Variants in FYB1 observed in about 807,000 individuals in gnomAD.
FYB1 encodes the protein FYN binding protein 1.
FYB1 carries 41 observed loss-of-function variants against 94.1 expected under a neutral mutation model. The ratio of observed to expected loss-of-function variants is 0.44; its 90% CI spans 0.34 to 0.57. FYB1 has a LOEUF of 0.57. FYB1 is among the 20% of genes least tolerant of loss of function. The pLI, the probability that FYB1 is intolerant of heterozygous loss-of-function variation, is 0.02. For missense variants in FYB1, 1,050 were observed against 976.8 expected, an observed-to-expected ratio of 1.07 and a Z score of -1.00; for synonymous variants, 367 against 353.2, an observed-to-expected ratio of 1.04 and a Z score of -0.44.
At chr5:39,220,207 A>G (rs1014460951), upstream of FYB1, among the ~76,000 whole-genome samples, 1 of 152,092 alleles carries the variant, frequency 6.6e-6, no homozygotes, top group East Asian at 1.9e-4. Flanking sequence ...CCAGGAGTTC[A>G]AGACCAGTCT....
chr5:39,229,889 C>T (rs1290467225), intron 1 of FYB1, among the ~76,000 whole-genome samples: 2 of 152,148 alleles, frequency 1.3e-5, no homozygotes, highest in East Asian at 1.9e-4. Flanking sequence ...TTACAAAATG[C>T]TGACAGCCAG....
Position 39,139,289 on chromosome 5 carries a change from A to G in FYB1, c.1340-37T>C. 3 of 1,390,724 alleles carry G rather than the reference A, an allele frequency of 2.2e-6. No homozygotes were observed. In the South Asian group the frequency reaches 4.0e-5, roughly 19 times the overall value. The allele number at this position is 1,390,724 out of a possible 1,614,324, so 86.1% of individuals were successfully genotyped here. ...AAAAAATAAAATTTAATACATTTGT[A>G]ATAAGGAAGCACTTTAATGTAAGAT... is the stretch of plus-strand genomic sequence containing the variant. On this transcript the variant is annotated intron_variant, in intron 4 of 18. Transcript: ENST00000512982.
In FYB1 at chr5:39,182,537, T is replaced by C. The variant is rs538833228; in HGVS notation, c.1135+19289A>G. Among the ~76,000 whole-genome samples, 9 of 152,348 alleles carry C rather than the reference T, an allele frequency of 5.9e-5. No homozygotes were observed. The South Asian group carries it at 1.9e-3, about 32-fold the overall frequency. On this transcript the variant is annotated intron_variant, in intron 2 of 18. Coordinates refer to ENST00000512982, the MANE Select transcript of FYB1 (RefSeq NM_001465.6). ...AAGACTCAGGTCATGCACATCATTT[T>C]AGCTGGGTTAGTAAGTGTGACCCAT...
intron 2 of FYB1, among the ~76,000 whole-genome samples, chr5:39,172,784 CT>C (rs1745371831): frequency 6.6e-6 from 1 of 152,196 alleles, no homozygotes; most frequent in Non-Finnish European, 1.5e-5. Context: ...TGACTTCATT[CT>C]TTTTTGTTGC....
chr5:39,221,735 G>A (rs1015723146), upstream of FYB1, among the ~76,000 whole-genome samples: 3 of 152,142 alleles, frequency 2.0e-5, no homozygotes, highest in East Asian at 1.9e-4. Flanking sequence ...GGTGGCTCAC[G>A]CCTATAATCC....
rs374600022 is a variant in FYB1 at position 39,141,081 on chromosome 5, T to A, written c.1339+14A>T. ...TTTACAAATAAATAAATAAAATATGTTTTTGTCGTTTACCATCAGAGTGCG... is the reference window on the plus strand; with the variant it reads ...TTTACAAATAAATAAATAAAATATGATTTTGTCGTTTACCATCAGAGTGCG... On this transcript the variant is annotated intron_variant, in intron 4 of 18. Transcript: ENST00000512982. The A allele has an allele frequency of 4.3e-5, 67 of 1,548,284 alleles. No homozygotes were observed. Among genetic ancestry groups the A allele is most frequent in the Non-Finnish European group, 5.7e-5 (65 of 1,137,000 alleles).
chr5:39,173,616 G>T (rs1208447690), intron 2 of FYB1, among the ~76,000 whole-genome samples: 1 of 152,102 alleles, frequency 6.6e-6, no homozygotes, highest in Non-Finnish European at 1.5e-5. Context: ...GTTAATTTTT[G>T]TATATGCTGA....
chr5:39,137,477 AC>A, intron 7 of FYB1, 122 bp downstream of exon 7: 1 of 1,141,726 alleles, frequency 8.8e-7, no homozygotes, highest in Non-Finnish European at 1.2e-6. Context: ...GAAGATAATT[AC>A]TCTTTAGAGA....
chr5:39,235,672 G>C (rs1750928990), intron 1 of FYB1, among the ~76,000 whole-genome samples: 1 of 151,744 alleles, frequency 6.6e-6, no homozygotes, highest in Non-Finnish European at 1.5e-5. Flanking sequence ...TTTTGAGCAA[G>C]TATTTGGTGC....
At chr5:39,183,643 A>C (rs928626720) in intron 2 of FYB1, among the ~76,000 whole-genome samples, 1 of 152,152 alleles carries the variant, frequency 6.6e-6, no homozygotes, top group South Asian at 2.1e-4. Flanking sequence ...CCTACTCTCT[A>C]TGTGTCCCTA....
chr5:39,188,600 A>C (rs1747067442), intron 2 of FYB1, among the ~76,000 whole-genome samples: 1 of 140,554 alleles, frequency 7.1e-6, no homozygotes, highest in Non-Finnish European at 1.5e-5. Flanking sequence ...GCTGGAGTGC[A>C]ATTGTGCGAT....
At chr5:39,114,860 A>G (rs368563386) in intron 16 of FYB1, among the ~76,000 whole-genome samples, 1 of 152,180 alleles carries the variant, frequency 6.6e-6, no homozygotes, top group African/African-American at 2.4e-5. Flanking sequence ...AGAACATTTC[A>G]TTGAAGTGAC....
Position 39,211,083 on chromosome 5 carries a change from C to T in FYB1, c.-27-8096G>A, listed in dbSNP as rs1267636686. ...ATTTGTTTAGGATAATTCACTCAGCCTGCATGACCTGAAAATACCAAATTA... is the reference window on the plus strand; with the variant it reads ...ATTTGTTTAGGATAATTCACTCAGCTTGCATGACCTGAAAATACCAAATTA... On this transcript the variant is annotated intron_variant, in intron 1 of 18. Coordinates refer to ENST00000512982, the MANE Select transcript of FYB1 (RefSeq NM_001465.6). The T allele has an allele frequency of 5.3e-5, 8 of 152,106 alleles. 1 individual carries two copies. In the South Asian group the frequency reaches 1.0e-3, roughly 20 times the overall value. The allele number at this position is 152,106 out of a possible 1,614,324, so 9.4% of individuals were successfully genotyped here.
intron 1 of FYB1, among the ~76,000 whole-genome samples, chr5:39,211,916 C>T (rs1213864999): frequency 6.6e-6 from 1 of 152,060 alleles, no homozygotes; most frequent in Non-Finnish European, 1.5e-5. Flanking sequence ...ATGAGGCTAT[C>T]TGTGGGGTTT....
rs926200597 is a variant in FYB1, at chr5:39,170,239, G to A, written c.1136-16635C>T. 3.1e-6 allele frequency: 3 copies of A among 974,748 alleles called. No homozygotes were observed. In the African/African-American group the frequency reaches 4.9e-5, roughly 16 times the overall value. 60.4% of individuals were successfully genotyped at this position (974,748 alleles called of 1,614,324 possible). On this transcript the variant is annotated intron_variant, in intron 2 of 18. Transcript: ENST00000512982. ...TTTGCTATATATGATGTTGCTGGTG[G>A]TGGTGTCTTTCCTACTGAGAGCTGT...
At chr5:39,239,032 C>T (rs1011442092) in intron 1 of FYB1, among the ~76,000 whole-genome samples, 5 of 152,040 alleles carry the variant, frequency 3.3e-5, no homozygotes, top group Non-Finnish European at 5.9e-5. Context: ...AAGTGTGATT[C>T]GCTACACAAA....
At chr5:39,230,535 G>A (rs1270398634) in intron 1 of FYB1, among the ~76,000 whole-genome samples, 5 of 151,814 alleles carry the variant, frequency 3.3e-5, no homozygotes, top group Non-Finnish European at 1.5e-5. Flanking sequence ...ATATATATAT[G>A]TATATATGTA....
chr5:39,134,007 G>C (rs182795072), intron 9 of FYB1, among the ~76,000 whole-genome samples: 1 of 152,278 alleles, frequency 6.6e-6, no homozygotes, highest in Admixed American at 6.5e-5. Flanking sequence ...ATTTCAAGTA[G>C]TATTTGATGC....
intron 1 of FYB1, among the ~76,000 whole-genome samples, chr5:39,216,942 A>G (rs1326516537): frequency 3.9e-5 from 6 of 152,230 alleles, no homozygotes; most frequent in African/African-American, 4.8e-5. Flanking sequence ...TTATCTGTTT[A>G]GAGAGGCTGA....
Sources: gnomAD v4.1 joint callset for allele counts (sites outside exome capture counted in the v4.1 genomes callset) on GRCh38, gnomAD v4.1.1 for gene constraint, MANE v1.5 for transcripts, NCBI Gene and HGNC (gene_info 2026-07-23, HGNC 2026-07-21) for gene names.